ERBB4: variants seen among roughly 807,000 people sequenced by gnomAD.
The protein encoded by ERBB4 is erb-b2 receptor tyrosine kinase 4, also known as receptor tyrosine-protein kinase erbB-4.
Under a neutral mutation model 158.0 loss-of-function variants are expected in ERBB4, and 42 were observed. The observed-to-expected ratio is 0.27, with a 90% CI of 0.21 to 0.34. The LOEUF is 0.34. Ranked by LOEUF, ERBB4 falls within the 10% of genes least tolerant of loss-of-function variation. ERBB4 has a pLI of 1.00. For missense variants in ERBB4, 1,333 were observed against 1,624.1 expected (o/e 0.82, Z 3.08); for synonymous variants, 583 against 558.7 (o/e 1.04, Z -0.61).
At chr2:211,624,162 G>T in intron 17 of ERBB4, 118 bp from the exon 18 acceptor site, 1 of 1,318,402 alleles carries the variant, frequency 7.6e-7, no homozygotes, top group Non-Finnish European at 1.1e-6. Flanking sequence ...ACACCAACTT[G>T]GTTTGCCTTG....
chr2:212,488,754 T>C (rs917985547), intron 1 of ERBB4, among the ~76,000 whole-genome samples: 1 of 151,746 alleles, frequency 6.6e-6, no homozygotes, highest in African/African-American at 2.4e-5. Context: ...ACCCCATTGT[T>C]ACAATGGTCA....
chr2:212,319,963 C>T (rs1344056191), intron 1 of ERBB4, among the ~76,000 whole-genome samples: 1 of 150,166 alleles, frequency 6.7e-6, no homozygotes, highest in Admixed American at 6.6e-5. Flanking sequence ...TCCAAGCATC[C>T]TCCATTCCTT....
At chr2:212,072,891 A>T (rs2078164956) in intron 2 of ERBB4, among the ~76,000 whole-genome samples, 1 of 152,090 alleles carries the variant, frequency 6.6e-6, no homozygotes, top group South Asian at 2.1e-4. Flanking sequence ...CTGGAAGTTG[A>T]GATTAATGCT....
chr2:212,214,869 C>G (rs1375018596), intron 1 of ERBB4, among the ~76,000 whole-genome samples: 2 of 151,488 alleles, frequency 1.3e-5, no homozygotes, highest in African/African-American at 4.8e-5. Flanking sequence ...TTATTAATGG[C>G]AGAAGTGTAA....
chr2:211,391,497 G>A (rs544568055), intron 25 of ERBB4, among the ~76,000 whole-genome samples: 54 of 152,152 alleles, frequency 3.5e-4, no homozygotes, highest in Non-Finnish European at 6.5e-4. Flanking sequence ...GAAAGAGGCG[G>A]GTTAGGAACT....
At chr2:211,704,468 AC>A (rs2073363607) in intron 10 of ERBB4, among the ~76,000 whole-genome samples, 2 of 152,192 alleles carry the variant, frequency 1.3e-5, no homozygotes, top group African/African-American at 2.4e-5. Context: ...AGAGAAAAAT[AC>A]AGTTTCAATT....
intron 19 of ERBB4, among the ~76,000 whole-genome samples, chr2:211,563,769 G>A (rs1392923833): frequency 4.0e-5 from 6 of 150,390 alleles, no homozygotes; most frequent in Admixed American, 3.9e-4. Flanking sequence ...CACACAGGGA[G>A]GGAGAGAGAT....
intron 5 of ERBB4, among the ~76,000 whole-genome samples, chr2:211,730,839 T>C (rs1324865304): frequency 6.6e-6 from 1 of 152,082 alleles, no homozygotes; most frequent in Non-Finnish European, 1.5e-5. Context: ...GGGATTCCAA[T>C]ATTCAGTCTA....
chr2:212,169,245 C>A (rs1329845325), intron 1 of ERBB4, among the ~76,000 whole-genome samples: 1 of 151,912 alleles, frequency 6.6e-6, no homozygotes, highest in East Asian at 1.9e-4. Flanking sequence ...AAGATACATT[C>A]CTCACAAAGA....
chr2:212,222,534 C>T (rs763875694), intron 1 of ERBB4, among the ~76,000 whole-genome samples: 1 of 151,364 alleles, frequency 6.6e-6, no homozygotes, highest in South Asian at 2.1e-4. Flanking sequence ...ACCTACTTAA[C>T]TTTTTTAAAG....
At chr2:212,481,601 G>A (rs903710365) in intron 1 of ERBB4, among the ~76,000 whole-genome samples, 5 of 152,044 alleles carry the variant, frequency 3.3e-5, no homozygotes, top group East Asian at 1.9e-4. Flanking sequence ...TCTTTTCAAC[G>A]CTAAAACAAC....
intron 1 of ERBB4, among the ~76,000 whole-genome samples, chr2:212,268,290 T>G (rs2106110274): frequency 6.6e-6 from 1 of 151,904 alleles, no homozygotes; most frequent in African/African-American, 2.4e-5. Flanking sequence ...GAGATAGAAA[T>G]GACAGATTTT....
intron 20 of ERBB4, among the ~76,000 whole-genome samples, chr2:211,519,182 A>G (rs2066122650): frequency 6.6e-6 from 1 of 152,132 alleles, no homozygotes; most frequent in East Asian, 1.9e-4. Context: ...TATGTGAAAG[A>G]ATGCTGTATA....
At chr2:211,394,777 G>C (rs2062875223) in intron 25 of ERBB4, among the ~76,000 whole-genome samples, 1 of 151,994 alleles carries the variant, frequency 6.6e-6, no homozygotes, top group East Asian at 1.9e-4. Flanking sequence ...GATTTTTCAG[G>C]ATGCAAACAA....
rs368477458 is a variant in ERBB4, at chr2:211,393,109, G to A, written c.3136-5117C>T. ...CAAGACAGAATTTACAAAGCATATGGAAATGCTGTCTTTTATAATGCTTAA... is the reference window on the plus strand; with the variant it reads ...CAAGACAGAATTTACAAAGCATATGAAAATGCTGTCTTTTATAATGCTTAA... On this transcript the variant is annotated intron_variant, in intron 25 of 27. Coordinates refer to ENST00000342788, the MANE Select transcript of ERBB4 (RefSeq NM_005235.3). 3.4e-4 allele frequency among the ~76,000 whole-genome samples: 52 copies of A among 152,234 alleles called. No homozygotes were observed. In the South Asian group the frequency reaches 0.01, roughly 30 times the overall value.
intron 2 of ERBB4, among the ~76,000 whole-genome samples, chr2:211,989,416 C>T (rs1170490548): frequency 6.6e-6 from 1 of 151,766 alleles, no homozygotes; most frequent in African/African-American, 2.4e-5. Flanking sequence ...ACAACTGCTG[C>T]CCAACACTGT....
Position 211,651,922 on chromosome 2 carries a change from G to A in ERBB4, c.1946+5832C>T, listed in dbSNP as rs1375555320. The stretch of plus-strand genomic sequence containing the variant: ...GAAAAAACCCAGCTATGCCATGCCT[G>A]TAATTTTACCTGTGGAACTGTGTTT... On this transcript the variant is annotated intron_variant, in intron 16 of 27. Transcript: ENST00000342788. 2.6e-5 allele frequency among the ~76,000 whole-genome samples: 4 copies of A among 152,292 alleles called. No homozygotes were observed. In the East Asian group the frequency reaches 7.7e-4, roughly 29 times the overall value.
intron 3 of ERBB4, among the ~76,000 whole-genome samples, chr2:211,797,389 G>C (rs564975739): frequency 6.6e-6 from 1 of 151,910 alleles, no homozygotes; most frequent in South Asian, 2.1e-4. Context: ...AGTTTGTATA[G>C]TTTTAATAAC....
chr2:212,417,766 T>G (rs898313463), intron 1 of ERBB4, among the ~76,000 whole-genome samples: 1 of 152,046 alleles, frequency 6.6e-6, no homozygotes. Flanking sequence ...AGATCCTTCA[T>G]AAGAAATAAT....
Sources: gnomAD v4.1 joint callset for allele counts (sites outside exome capture counted in the v4.1 genomes callset) on GRCh38, gnomAD v4.1.1 for gene constraint, MANE v1.5 for transcripts, NCBI Gene and HGNC (gene_info 2026-07-23, HGNC 2026-07-21) for gene names.